Variants in PABPC4L observed in about 807,000 individuals in gnomAD.
The protein encoded by PABPC4L is poly(A) binding protein cytoplasmic 4 like.
For missense variants in PABPC4L, 452 were observed against 451.4 expected (o/e 1.00, Z -0.01); for synonymous variants, 169 against 164.1 (o/e 1.03, Z -0.23).
the PABPC4L span, among the ~76,000 whole-genome samples, chr4:134,058,813 T>G: frequency 6.6e-6 from 1 of 152,090 alleles, no homozygotes; most frequent in South Asian, 2.1e-4. Context: ...ACATATAATT[T>G]TATAAACCAA....
the PABPC4L span, among the ~76,000 whole-genome samples, chr4:133,985,423 G>A: frequency 1.3e-5 from 2 of 151,918 alleles, no homozygotes; most frequent in Non-Finnish European, 2.9e-5. Context: ...GCAGGAAAAA[G>A]CATGATACCA....
the PABPC4L span, among the ~76,000 whole-genome samples, chr4:133,968,294 C>A: frequency 6.6e-6 from 1 of 152,158 alleles, no homozygotes; most frequent in Non-Finnish European, 1.5e-5. Flanking sequence ...TTAGAATAAT[C>A]TCATTTTGTG....
the PABPC4L span, among the ~76,000 whole-genome samples, chr4:133,998,491 C>T: frequency 6.6e-6 from 1 of 151,916 alleles, no homozygotes; most frequent in Non-Finnish European, 1.5e-5. Context: ...ACAAAATACA[C>T]CTTTATAATA....
the PABPC4L span, among the ~76,000 whole-genome samples, chr4:134,020,093 G>A: frequency 6.6e-6 from 1 of 152,052 alleles, no homozygotes; most frequent in Admixed American, 6.6e-5. Context: ...TACTGTTACA[G>A]GAAAGGAGTC....
At chr4:133,951,408 C>G in the PABPC4L span, among the ~76,000 whole-genome samples, 5 of 152,018 alleles carry the variant, frequency 3.3e-5, no homozygotes, top group Admixed American at 3.3e-4. Context: ...AAACTATCTC[C>G]CAGCTTTTTT....
chr4:133,978,097 A>C, the PABPC4L span: 3 of 152,292 alleles, frequency 2.0e-5, no homozygotes, highest in East Asian at 5.8e-4. Flanking sequence ...TGTATGAATG[A>C]CATCATTGAT....
the PABPC4L span, among the ~76,000 whole-genome samples, chr4:134,094,339 C>A: frequency 3.9e-5 from 6 of 151,906 alleles, no homozygotes; most frequent in South Asian, 1.2e-3. Context: ...AACATACAGA[C>A]CCTAACTCCT....
the PABPC4L span, among the ~76,000 whole-genome samples, chr4:133,961,211 G>A: frequency 6.6e-6 from 1 of 152,108 alleles, no homozygotes; most frequent in Admixed American, 6.5e-5. Flanking sequence ...ACAGCTGAGA[G>A]ACCCACAGAC....
At chr4:134,043,602 C>T in the PABPC4L span, among the ~76,000 whole-genome samples, 4 of 151,990 alleles carry the variant, frequency 2.6e-5, no homozygotes, top group Non-Finnish European at 5.9e-5. Flanking sequence ...ACCAAAGTTA[C>T]TTTCAGCAGT....
chr4:134,024,311 T>A, the PABPC4L span, among the ~76,000 whole-genome samples: 1 of 152,154 alleles, frequency 6.6e-6, no homozygotes, highest in Admixed American at 6.6e-5. Flanking sequence ...TTGGTCTACT[T>A]GGGCGCCATA....
chr4:134,076,614 T>G, the PABPC4L span, among the ~76,000 whole-genome samples: 4 of 152,080 alleles, frequency 2.6e-5, no homozygotes, highest in Non-Finnish European at 4.4e-5. Context: ...AAGATAAGAC[T>G]GATGGAGGTA....
chr4:134,127,197 G>C, the PABPC4L span, among the ~76,000 whole-genome samples: 1 of 151,894 alleles, frequency 6.6e-6, no homozygotes, highest in African/African-American at 2.4e-5. Context: ...TTCTCTACCT[G>C]CCCTGGTAGC....
chr4:133,950,154 G>A, the PABPC4L span, among the ~76,000 whole-genome samples: 1 of 152,050 alleles, frequency 6.6e-6, no homozygotes, highest in Non-Finnish European at 1.5e-5. Context: ...GAGTTTAACT[G>A]GCTTCCATTG....
the PABPC4L span, among the ~76,000 whole-genome samples, chr4:134,148,303 T>C: frequency 0.022 from 3,423 of 152,258 alleles, 131 homozygotes; most frequent in African/African-American, 0.078. Context: ...TTATTCATGG[T>C]ATATCCCTTA....
At chr4:134,164,567 A>C in the PABPC4L span, among the ~76,000 whole-genome samples, 1 of 152,164 alleles carries the variant, frequency 6.6e-6, no homozygotes, top group Non-Finnish European at 1.5e-5. Flanking sequence ...ATATTCTTAA[A>C]AAATGTGAAA....
At chr4:134,142,611 C>G in the PABPC4L span, among the ~76,000 whole-genome samples, 1 of 151,184 alleles carries the variant, frequency 6.6e-6, no homozygotes, top group South Asian at 2.1e-4. Context: ...TCCGTGTTGT[C>G]AAGAAATACA....
chr4:134,004,636 G>A, the PABPC4L span, among the ~76,000 whole-genome samples: 1 of 151,830 alleles, frequency 6.6e-6, no homozygotes, highest in Non-Finnish European at 1.5e-5. Context: ...AATGAAATCA[G>A]TATGTTGAGG....
chr4:134,003,891 C>G, the PABPC4L span, among the ~76,000 whole-genome samples: 1 of 151,810 alleles, frequency 6.6e-6, no homozygotes, highest in Non-Finnish European at 1.5e-5. Flanking sequence ...GGTGTTGAAG[C>G]AGAAATAAGC....
the PABPC4L span, among the ~76,000 whole-genome samples, chr4:134,077,966 C>A: frequency 6.6e-6 from 1 of 151,766 alleles, no homozygotes; most frequent in Non-Finnish European, 1.5e-5. Context: ...CACAAAAAAA[C>A]AAAACAAAAC....
Sources: gnomAD v4.1 joint callset for allele counts (sites outside exome capture counted in the v4.1 genomes callset) on GRCh38, gnomAD v4.1.1 for gene constraint, MANE v1.5 for transcripts, NCBI Gene and HGNC (gene_info 2026-07-23, HGNC 2026-07-21) for gene names.